Variants in USP32 observed in about 807,000 individuals in gnomAD.
The protein encoded by USP32 is ubiquitin specific peptidase 32.
A neutral mutation model predicts 204.8 loss-of-function variants in USP32; 59 were observed. The observed-to-expected ratio is 0.29, with a 90% CI of 0.23 to 0.36. The LOEUF (loss-of-function observed/expected upper bound fraction) is 0.36. USP32 is among the 10% of genes least tolerant of loss of function. The pLI, the probability that USP32 is intolerant of heterozygous loss-of-function variation, is 1.00. For missense variants in USP32, 1,160 were observed against 1,946.4 expected (o/e 0.60, Z 7.60); for synonymous variants, 517 against 678.4 (o/e 0.76, Z 3.70).
intron 9 of USP32, chr17:60,256,936 C>T (rs1385699087): frequency 2.8e-6 from 1 of 360,752 alleles, no homozygotes; most frequent in African/African-American, 2.2e-5. Flanking sequence ...AACGTGATTT[C>T]ATCATTCTAA....
chr17:60,268,768 C>T (rs145047657), intron 7 of USP32, among the ~76,000 whole-genome samples: 47 of 151,880 alleles, frequency 3.1e-4, no homozygotes, highest in East Asian at 1.7e-3. Flanking sequence ...ATCAATTGAG[C>T]GCATCATAGT....
intron 2 of USP32, among the ~76,000 whole-genome samples, chr17:60,339,141 C>T (rs1474432162): frequency 6.6e-6 from 1 of 151,746 alleles, no homozygotes; most frequent in Non-Finnish European, 1.5e-5. Context: ...AAACTCCTGA[C>T]CTCAGGTGAT....
chr17:60,355,426 C>T (rs957754321), intron 1 of USP32, among the ~76,000 whole-genome samples: 7 of 152,052 alleles, frequency 4.6e-5, no homozygotes, highest in Admixed American at 3.9e-4. Context: ...GACCGATTGC[C>T]GGAATGGTAA....
intron 1 of USP32, among the ~76,000 whole-genome samples, chr17:60,358,920 A>G (rs987728857): frequency 6.6e-6 from 1 of 152,248 alleles, no homozygotes; most frequent in Admixed American, 6.5e-5. Flanking sequence ...TTAAAATGTT[A>G]TAACACACAA....
At chr17:60,300,113 AAGAG>A (rs2087536169) in intron 3 of USP32, among the ~76,000 whole-genome samples, 1 of 152,208 alleles carries the variant, frequency 6.6e-6, no homozygotes, top group African/African-American at 2.4e-5. Flanking sequence ...AGGAAGAAGG[AAGAG>A]AGAAAGACCC....
chr17:60,364,933 A>T (rs1275812821), intron 1 of USP32, among the ~76,000 whole-genome samples: 1 of 152,246 alleles, frequency 6.6e-6, no homozygotes, highest in Non-Finnish European at 1.5e-5. Context: ...GCCACAAATA[A>T]CAACATGGAT....
intron 2 of USP32, among the ~76,000 whole-genome samples, chr17:60,317,882 G>A (rs890241310): frequency 3.3e-5 from 5 of 152,180 alleles, no homozygotes; most frequent in Admixed American, 2.6e-4. Context: ...CTACCTGGGA[G>A]GCTGAGGCAG....
chr17:60,333,369 C>T (rs2088435234), intron 2 of USP32, among the ~76,000 whole-genome samples: 1 of 152,176 alleles, frequency 6.6e-6, no homozygotes, highest in Admixed American at 6.5e-5. Context: ...GGACTCAAGG[C>T]AGGCAGATCA....
At chr17:60,333,490 C>T (rs1368019443) in intron 2 of USP32, among the ~76,000 whole-genome samples, 2 of 152,124 alleles carry the variant, frequency 1.3e-5, no homozygotes, top group Admixed American at 1.3e-4. Context: ...GTCCCAGCTA[C>T]TTGGGACACT....
At chr17:60,201,516 T>C (rs1324759153) in intron 26 of USP32, among the ~76,000 whole-genome samples, 2 of 152,052 alleles carry the variant, frequency 1.3e-5, no homozygotes, top group Non-Finnish European at 2.9e-5. Flanking sequence ...AGTTAATTTA[T>C]ATTCTCATCA....
At chr17:60,223,296 T>C (rs975080767) in intron 14 of USP32, 115 bp downstream of exon 14, 3 of 819,958 alleles carry the variant, frequency 3.7e-6, no homozygotes. Context: ...TGTCCATCTA[T>C]AATACAGTAA....
intron 7 of USP32, among the ~76,000 whole-genome samples, chr17:60,266,376 C>T (rs868284175): frequency 3.9e-5 from 6 of 152,102 alleles, no homozygotes; most frequent in Non-Finnish European, 5.9e-5. Flanking sequence ...CAAGAAAGGG[C>T]GAAGTTACTG....
At chr17:60,388,933 T>C (rs531819148) in intron 1 of USP32, among the ~76,000 whole-genome samples, 5 of 152,332 alleles carry the variant, frequency 3.3e-5, no homozygotes, top group Non-Finnish European at 4.4e-5. Flanking sequence ...AGGCCCCGCT[T>C]TGCAAGATAA....
chr17:60,377,703 C>A (rs765458415), intron 1 of USP32, among the ~76,000 whole-genome samples: 3 of 152,178 alleles, frequency 2.0e-5, no homozygotes, highest in Non-Finnish European at 2.9e-5. Context: ...AGCACTGTTA[C>A]AGATATCATT....
intron 8 of USP32, 68 bp downstream of exon 8, chr17:60,265,908 G>T (rs2086579418): frequency 1.6e-6 from 2 of 1,242,712 alleles, no homozygotes; most frequent in Non-Finnish European, 2.3e-6. Flanking sequence ...TGCTTTTAAA[G>T]AAAATGATTC....
At chr17:60,322,055 TTAAG>T (rs1404077376) in intron 2 of USP32, among the ~76,000 whole-genome samples, 1 of 152,098 alleles carries the variant, frequency 6.6e-6, no homozygotes, top group Non-Finnish European at 1.5e-5. Context: ...AGAAAAAAAG[TTAAG>T]TAAAATGTGA....
intron 1 of USP32, among the ~76,000 whole-genome samples, chr17:60,364,302 T>C (rs2089271486): frequency 2.0e-5 from 3 of 152,178 alleles, no homozygotes; most frequent in Non-Finnish European, 4.4e-5. Context: ...GGTTTCAACA[T>C]ATGAATTTGG....
intron 9 of USP32, chr17:60,256,545 A>G (rs886440335): frequency 1.5e-5 from 4 of 264,188 alleles, no homozygotes; most frequent in Non-Finnish European, 1.8e-5. Context: ...TGGGGCCACT[A>G]TCTGTGTGGA....
At chr17:60,234,419 T>C (rs1264312812) in intron 12 of USP32, among the ~76,000 whole-genome samples, 1 of 148,764 alleles carries the variant, frequency 6.7e-6, no homozygotes, top group Non-Finnish European at 1.5e-5. Flanking sequence ...GGCTCAAGCA[T>C]GACTAATTTA....
Sources: allele counts gnomAD v4.1 joint callset (sites outside exome capture counted in the v4.1 genomes callset), GRCh38; gene constraint gnomAD v4.1.1; transcripts MANE v1.5; gene names NCBI Gene and HGNC (gene_info 2026-07-23, HGNC 2026-07-21).